MYO9B: variants seen among roughly 807,000 people sequenced by gnomAD.
MYO9B encodes myosin IXB.
In MYO9B, 71 loss-of-function variants were observed where a neutral mutation model predicts 229.5. That is an observed-to-expected ratio of 0.31 (90% confidence interval 0.26 to 0.38). The LOEUF (loss-of-function observed/expected upper bound fraction) is 0.38, where lower values mean the gene tolerates loss of function less well. MYO9B is among the 10% of genes least tolerant of loss of function. MYO9B has a pLI of 1.00. For missense variants in MYO9B, 2,255 were observed against 2,920.5 expected, an observed-to-expected ratio of 0.77 and a Z score of 5.25; for synonymous variants, 1,185 against 1,235.8, an observed-to-expected ratio of 0.96 and a Z score of 0.86.
At chr19:17,202,696 C>T (rs2073120813) in intron 28 of MYO9B, 146 bp from the exon 29 acceptor site, 1 of 809,758 alleles carries the variant, frequency 1.2e-6, no homozygotes, top group Non-Finnish European at 1.9e-6. Context: ...TCTGGGGTGT[C>T]TGAATGGGGG....
chr19:17,095,256 C>T, intron 1 of MYO9B, among the ~76,000 whole-genome samples: 1 of 152,058 alleles, frequency 6.6e-6, no homozygotes, highest in Non-Finnish European at 1.5e-5. Flanking sequence ...ATTAAGTGTG[C>T]TAGTCAGTGC....
chr19:17,083,276 C>T (rs1019524952), intron 1 of MYO9B, among the ~76,000 whole-genome samples: 2 of 152,102 alleles, frequency 1.3e-5, no homozygotes, highest in South Asian at 2.1e-4. Context: ...AGTGATCACC[C>T]GCCTCAGCCT....
intron 18 of MYO9B, among the ~76,000 whole-genome samples, chr19:17,187,319 T>G (rs1302675929): frequency 6.6e-6 from 1 of 152,144 alleles, no homozygotes; most frequent in Non-Finnish European, 1.5e-5. Context: ...CCCCATCACC[T>G]GTGTGTGACT....
chr19:17,194,941 G>T lies in MYO9B; in HGVS notation c.3514G>T (p.Glu1172Ter). The change falls in exon 22 of 40, where the codon GAG becomes TAG. Residue 1172 changes from glutamate to a stop codon, truncating the protein, a stop_gained. Transcript: ENST00000682292. LOFTEE classifies it high-confidence loss of function. Reference sequence around the variant, plus strand: ...CAAACACATCCAGTCCTGCAAGGAGGAGAGTGCCCTCAGAGAACCTTCCAG... The same window carrying T: ...CAAACACATCCAGTCCTGCAAGGAGTAGAGTGCCCTCAGAGAACCTTCCAG... ...QNKHIQSCKE[E>*]SALREPSRRV... 1 of 1,613,440 alleles carries T rather than the reference G, an allele frequency of 6.2e-7. No individual in the cohort carries two copies. The highest frequency in any genetic ancestry group is 8.5e-7 in the Non-Finnish European group (1 of 1,179,888).
intron 10 of MYO9B, among the ~76,000 whole-genome samples, chr19:17,167,473 A>ATT (rs36062777): frequency 1.8e-4 from 21 of 117,390 alleles, no homozygotes; most frequent in Middle Eastern, 5.0e-3. Context: ...TATTAGAGCT[A>ATT]TTTTTTTTTT....
At position 17,200,243 on chromosome 19, in the gene MYO9B, C is replaced by T. The variant is rs768619717; in HGVS notation, c.4239-50C>T. Reference sequence around the variant, plus strand: ...CCAGTCACAGGGAGGCTGGGCCTCACGTCCATTTTCATTTCAGACTTAAAA... The same window carrying T: ...CCAGTCACAGGGAGGCTGGGCCTCATGTCCATTTTCATTTCAGACTTAAAA... On this transcript the variant is annotated intron_variant, in intron 24 of 39. Coordinates refer to ENST00000682292, the MANE Select transcript of MYO9B (RefSeq NM_004145.4). 1.3e-5 allele frequency: 20 copies of T among 1,578,584 alleles called. No homozygotes were observed. In the Admixed American group the frequency reaches 1.9e-4, roughly 15 times the overall value.
At chr19:17,176,615 A>C (rs2072792673) in intron 14 of MYO9B, among the ~76,000 whole-genome samples, 1 of 152,032 alleles carries the variant, frequency 6.6e-6, no homozygotes, top group South Asian at 2.1e-4. Context: ...CTTTAGGGAG[A>C]TGGGAGGAGG....
At chr19:17,081,757 C>T (rs10407446) in intron 1 of MYO9B, among the ~76,000 whole-genome samples, 84,176 of 147,074 alleles carry the variant, frequency 0.57, 24,528 homozygotes, top group South Asian at 0.7. Flanking sequence ...TGCAGTGAGC[C>T]GTGATCTTGT....
chr19:17,117,110 C>A (rs2057912074), intron 2 of MYO9B, among the ~76,000 whole-genome samples: 1 of 152,160 alleles, frequency 6.6e-6, no homozygotes, highest in African/African-American at 2.4e-5. Flanking sequence ...GCCCTGCCCT[C>A]CCCAAATGTT....
intron 7 of MYO9B, among the ~76,000 whole-genome samples, chr19:17,158,649 G>T (rs2072563525): frequency 1.3e-5 from 2 of 152,122 alleles, no homozygotes; most frequent in Non-Finnish European, 2.9e-5. Context: ...CTGCTGGTGG[G>T]CAGAGACCAC....
chr19:17,175,675 C>T lies in MYO9B; in HGVS notation c.2153C>T (p.Pro718Leu), dbSNP rs142342804. 4.9e-5 allele frequency: 77 copies of T among 1,575,106 alleles called. No homozygotes were observed. The African/African-American group carries it at 8.9e-4, about 18-fold the overall frequency. Reference sequence around the variant, plus strand: ...GTGTCTCCGGCAGGTATGAGCAGCCCTGGTGCCCAAAGTCACCCAGAAGAG... The same window carrying T: ...GTGTCTCCGGCAGGTATGAGCAGCCTTGGTGCCCAAAGTCACCCAGAAGAG... ...RAEKAAGMSSPGAQSHPEELP... is the reference protein window; with the variant it reads ...RAEKAAGMSSLGAQSHPEELP... The change falls in exon 14 of 40, where the codon CCT becomes CTT. Residue 718 changes from proline to leucine, a missense_variant. Physicochemically the swap from Pro to Leu is moderately conservative, Grantham distance 98 (BLOSUM62 -3). Around this residue, in one of 7 missense-constraint regions of MYO9B, gnomAD observed 155 missense variants for 159.1 expected, o/e 0.97. Coordinates refer to ENST00000682292, the MANE Select transcript of MYO9B (RefSeq NM_004145.4).
At chr19:17,107,390 G>A (rs568319440) in intron 2 of MYO9B, among the ~76,000 whole-genome samples, 16 of 152,232 alleles carry the variant, frequency 1.1e-4, no homozygotes, top group South Asian at 8.3e-4. Flanking sequence ...AAAGTGGCAC[G>A]GCCAGGAGGC....
chr19:17,180,894 C>CT, intron 14 of MYO9B, 33 bp from the exon 15 acceptor site: 1 of 1,454,300 alleles, frequency 6.9e-7, no homozygotes, highest in Non-Finnish European at 9.6e-7. Flanking sequence ...CATCTTCTTT[C>CT]TGTCACTGCG....
chr19:17,084,527 C>T (rs1284924898), intron 1 of MYO9B, among the ~76,000 whole-genome samples: 2 of 151,864 alleles, frequency 1.3e-5, no homozygotes, highest in Admixed American at 1.3e-4. Flanking sequence ...CCAGCCTCAA[C>T]CTTCTTCATG....
intron 2 of MYO9B, 27 bp from the exon 3 acceptor site, chr19:17,145,370 T>C: frequency 6.3e-7 from 1 of 1,599,150 alleles, no homozygotes; most frequent in South Asian, 1.1e-5. Flanking sequence ...CCTCCTGATC[T>C]GAAACCTGCT....
intron 1 of MYO9B, among the ~76,000 whole-genome samples, chr19:17,076,899 G>T (rs367864035): frequency 6.6e-6 from 1 of 152,108 alleles, no homozygotes; most frequent in Non-Finnish European, 1.5e-5. Context: ...TCTGTCCCCC[G>T]GTTGCTCTGA....
chr19:17,190,760 GT>G (rs1381876374), intron 19 of MYO9B, among the ~76,000 whole-genome samples: 5 of 151,840 alleles, frequency 3.3e-5, no homozygotes, highest in Non-Finnish European at 4.4e-5. Flanking sequence ...CCAGGTTCAA[GT>G]GATTCTCCTG....
intron 2 of MYO9B, among the ~76,000 whole-genome samples, chr19:17,104,091 T>C (rs115187009): frequency 7.7e-4 from 117 of 151,630 alleles, no homozygotes; most frequent in African/African-American, 2.8e-3. Context: ...TTAATACACA[T>C]TTGGCTTCCA....
intron 7 of MYO9B, among the ~76,000 whole-genome samples, chr19:17,158,992 G>A (rs1438653350): frequency 2.6e-5 from 4 of 152,124 alleles, no homozygotes; most frequent in South Asian, 2.1e-4. Flanking sequence ...TCAGGAGTTC[G>A]AGACCAGCCT....
Sources: allele counts gnomAD v4.1 joint callset (sites outside exome capture counted in the v4.1 genomes callset), GRCh38; gene constraint gnomAD v4.1.1; regional missense constraint gnomAD v4.1.1; transcripts MANE v1.5; gene names NCBI Gene and HGNC (gene_info 2026-07-23, HGNC 2026-07-21).